The following ATP11A variants were observed in gnomAD, a reference collection of about 807,000 sequenced individuals.
ATP11A encodes phospholipid-transporting ATPase IH.
Under a neutral mutation model 154.4 loss-of-function variants are expected in ATP11A, and 81 were observed. The ratio of observed to expected loss-of-function variants is 0.52; its 90% CI spans 0.44 to 0.63. The LOEUF is 0.63. Ranked by LOEUF, ATP11A falls within the 30% of genes least tolerant of loss-of-function variation. The pLI, the probability that ATP11A is intolerant of heterozygous loss-of-function variation, is 0.00. For missense variants in ATP11A, 1,316 were observed against 1,474.3 expected, an observed-to-expected ratio of 0.89 and a Z score of 1.76; for synonymous variants, 623 against 585.9, an observed-to-expected ratio of 1.06 and a Z score of -0.91.
chr13:112,854,598 A>G, intron 19 of ATP11A, 68 bp downstream of exon 19: 2 of 1,530,836 alleles, frequency 1.3e-6, no homozygotes, highest in Non-Finnish European at 1.8e-6. Context: ...AGTGGCCTTC[A>G]CCTGCAAGTC....
intron 2 of ATP11A, among the ~76,000 whole-genome samples, chr13:112,796,343 T>A (rs1294185478): frequency 2.0e-5 from 3 of 152,180 alleles, no homozygotes; most frequent in African/African-American, 7.2e-5. Context: ...GGCCAGGGAA[T>A]CAAGATTGCC....
chr13:112,749,154 C>T (rs1387984149), intron 1 of ATP11A, among the ~76,000 whole-genome samples: 2 of 152,212 alleles, frequency 1.3e-5, no homozygotes, highest in African/African-American at 2.4e-5. Flanking sequence ...TGGTGGATGC[C>T]GTGGGCCATG....
Position 112,875,976 on chromosome 13 carries a change from C to G in ATP11A, c.3327+35C>G. 6.3e-7 allele frequency: 1 copy of G among 1,591,640 alleles called. No homozygotes were observed. Among genetic ancestry groups the G allele is most frequent in the South Asian group, 1.1e-5 (1 of 90,220 alleles). ...GTCCCCAGCCGGGGCGGGGGTGCCT[C>G]AGGGCCCTGGCCTTAGGATTGGGAG... is the stretch of plus-strand genomic sequence containing the variant. On this transcript the variant is annotated intron_variant, in intron 28 of 29. Transcript: ENST00000375645. This position sits in a 1 kb window ranked among gnomAD's most constrained non-coding sequence, Gnocchi z 4.1.
Position 112,826,771 on chromosome 13 carries a change from G to T in ATP11A, c.1101G>T (p.Thr367=). The stretch of plus-strand genomic sequence containing the variant: ...TCATCCCTGTGTCCATGTACGTCAC[G>T]GTCGAGATGCAGAAGTTCCTCGGCT... ...NYIIPVSMYV[T]VEMQKFLGSY... Residue 367 remains threonine (T), a synonymous_variant, in exon 12 of 30, where the codon ACG becomes ACT. Coordinates refer to ENST00000375645, the MANE Select transcript of ATP11A (RefSeq NM_015205.3). 1 of 1,614,130 alleles carries T rather than the reference G, an allele frequency of 6.2e-7. No individual in the cohort carries two copies. The highest frequency in any genetic ancestry group is 8.5e-7 in the Non-Finnish European group (1 of 1,180,030).
At chr13:112,707,764 G>A (rs1420839015) in intron 1 of ATP11A, among the ~76,000 whole-genome samples, 2 of 152,138 alleles carry the variant, frequency 1.3e-5, no homozygotes, top group Admixed American at 1.3e-4. Flanking sequence ...CCGAAAAGTG[G>A]ATCTTATATG....
chr13:112,881,871 T>C lies in ATP11A; in HGVS notation c.*10-5T>C. The C allele has an allele frequency of 7.3e-7, 1 of 1,367,746 alleles. No homozygotes were observed. Among genetic ancestry groups the C allele is most frequent in the Non-Finnish European group, 9.8e-7 (1 of 1,021,966 alleles). 84.7% of individuals were successfully genotyped at this position (1,367,746 alleles called of 1,614,324 possible). On this transcript the variant is annotated splice_polypyrimidine_tract_variant and splice_region_variant and intron_variant, in intron 29 of 29. Transcript: ENST00000375645. ...TCAGAATTCACCCCTCTTGCCTCTC[T>C]GCAGAGCCCAGGCTACCAGAGCACC...
At chr13:112,852,906 G>A (rs2079812149) in intron 18 of ATP11A, among the ~76,000 whole-genome samples, 1 of 152,018 alleles carries the variant, frequency 6.6e-6, no homozygotes, top group East Asian at 1.9e-4. Context: ...TCGAATTGTA[G>A]GGCCAGGCCC....
At position 112,784,945 on chromosome 13, in the gene ATP11A, AG is replaced by A. The variant is rs1403452414; in HGVS notation, c.40-187del. Among the ~76,000 whole-genome samples, 2 of 152,160 alleles carry A rather than the reference AG, an allele frequency of 1.3e-5. 1 individual carries two copies. The highest frequency in any genetic ancestry group is 4.8e-5 in the African/African-American group (2 of 41,446). On this transcript the variant is annotated intron_variant, in intron 1 of 29. Coordinates refer to ENST00000375645, the MANE Select transcript of ATP11A (RefSeq NM_015205.3). Reference sequence around the variant, plus strand: ...GCTCACCAGAAGACCTTGGCCCATGAGGGCTGCGTAAGACAGGGTGGCTCGG... The same window carrying A: ...GCTCACCAGAAGACCTTGGCCCATGAGGCTGCGTAAGACAGGGTGGCTCGG...
At chr13:112,820,042 G>C (rs756442795) in intron 8 of ATP11A, 92 bp downstream of exon 8, 1 of 1,284,106 alleles carries the variant, frequency 7.8e-7, no homozygotes, top group African/African-American at 1.5e-5. Context: ...CACGGCGGCT[G>C]CTCTGGTAGA....
chr13:112,759,457 T>C (rs1336085557), intron 1 of ATP11A, among the ~76,000 whole-genome samples: 1 of 152,202 alleles, frequency 6.6e-6, no homozygotes, highest in East Asian at 1.9e-4. Context: ...CTTTCAACAA[T>C]AGCGCGTGGA....
intron 1 of ATP11A, among the ~76,000 whole-genome samples, chr13:112,711,908 A>T (rs928592797): frequency 6.6e-6 from 1 of 152,156 alleles, no homozygotes; most frequent in African/African-American, 2.4e-5. Context: ...TCTGGAGCAC[A>T]TAGATAAGGA....
chr13:112,837,551 C>T (rs1202182357), intron 16 of ATP11A, among the ~76,000 whole-genome samples: 5 of 152,190 alleles, frequency 3.3e-5, no homozygotes, highest in African/African-American at 2.4e-5. Context: ...CTCCACGCAG[C>T]GTCAGAGCAG....
chr13:112,698,653 T>C (rs1209155865), intron 1 of ATP11A, among the ~76,000 whole-genome samples: 1 of 152,234 alleles, frequency 6.6e-6, no homozygotes, highest in Non-Finnish European at 1.5e-5. Flanking sequence ...CTAGGGTTGA[T>C]GTGTGAACCC....
chr13:112,827,005 AAGAC>A, intron 12 of ATP11A, 114 bp downstream of exon 12: 1 of 1,050,234 alleles, frequency 9.5e-7, no homozygotes, highest in South Asian at 1.4e-5. Context: ...TAGCTGGCGT[AAGAC>A]AGCAGCAGGG....
chr13:112,730,999 G>GATCTCTGCTCA (rs1173914815), intron 1 of ATP11A, among the ~76,000 whole-genome samples: 1 of 152,078 alleles, frequency 6.6e-6, no homozygotes, highest in African/African-American at 2.4e-5. Flanking sequence ...GCTGTGGCGC[G>GATCTCTGCTCA]ATCTCTGCTC....
At chr13:112,802,217 G>A (rs964672430) in intron 2 of ATP11A, among the ~76,000 whole-genome samples, 3 of 151,970 alleles carry the variant, frequency 2.0e-5, no homozygotes, top group African/African-American at 2.4e-5. Context: ...GTGGTGGTGG[G>A]CGCCTGTAGT....
intron 1 of ATP11A, among the ~76,000 whole-genome samples, chr13:112,698,134 G>C (rs901229392): frequency 3.9e-5 from 6 of 152,154 alleles, no homozygotes; most frequent in African/African-American, 1.4e-4. Context: ...TTTGAACACA[G>C]AGGACGGCAC....
intron 1 of ATP11A, among the ~76,000 whole-genome samples, chr13:112,732,813 A>G (rs1449608900): frequency 6.6e-6 from 1 of 152,106 alleles, no homozygotes; most frequent in Admixed American, 6.5e-5. Flanking sequence ...GGGTTTCGCC[A>G]TGTTGGCCAG....
chr13:112,872,022 A>G (rs1594241465), intron 26 of ATP11A, among the ~76,000 whole-genome samples: 1 of 152,108 alleles, frequency 6.6e-6, no homozygotes, highest in Admixed American at 6.5e-5. Context: ...CCATGTGCAA[A>G]CCCCAGAGCT....
Sources: allele counts gnomAD v4.1 joint callset (sites outside exome capture counted in the v4.1 genomes callset), GRCh38; gene constraint gnomAD v4.1.1; non-coding constraint Gnocchi (gnomAD v3.1); transcripts MANE v1.5; gene names NCBI Gene and HGNC (gene_info 2026-07-23, HGNC 2026-07-21).